PITPNM2: variants seen among roughly 807,000 people sequenced by gnomAD.
PITPNM2 encodes phosphatidylinositol transfer protein membrane associated 2, also known as membrane-associated phosphatidylinositol transfer protein 2.
Under a neutral mutation model 132.2 loss-of-function variants are expected in PITPNM2, and 35 were observed. The observed-to-expected ratio is 0.26, with a 90% CI of 0.20 to 0.35. PITPNM2 has a LOEUF of 0.35. Ranked by LOEUF, PITPNM2 falls within the 10% of genes least tolerant of loss-of-function variation. The pLI is 1.00. For missense variants in PITPNM2, 1,332 were observed against 1,912.0 expected (o/e 0.70, Z 5.66); for synonymous variants, 738 against 799.2 (o/e 0.92, Z 1.29).
chr12:123,103,911 T>G (rs1212461672), intron 2 of PITPNM2, among the ~76,000 whole-genome samples: 1 of 151,930 alleles, frequency 6.6e-6, no homozygotes, highest in Non-Finnish European at 1.5e-5. Context: ...TTTATTTATT[T>G]ATTTATTTAT....
intron 2 of PITPNM2, among the ~76,000 whole-genome samples, chr12:123,096,979 TC>T (rs2042426659): frequency 6.6e-6 from 1 of 152,314 alleles, no homozygotes; most frequent in East Asian, 1.9e-4. Context: ...TCCCCAGGAC[TC>T]CCCAGAGTGG....
intron 14 of PITPNM2, 49 bp downstream of exon 14, chr12:122,995,340 G>T (rs1347030530): frequency 6.5e-7 from 1 of 1,538,364 alleles, no homozygotes; most frequent in South Asian, 1.2e-5. Flanking sequence ...CCCTCTTGGA[G>T]CCTCTTCCCA....
intron 1 of PITPNM2, among the ~76,000 whole-genome samples, chr12:123,124,781 G>A (rs1047411273): frequency 6.6e-6 from 1 of 151,952 alleles, no homozygotes; most frequent in Non-Finnish European, 1.5e-5. Context: ...TCGGTACCAA[G>A]TATAATGCAT....
At chr12:123,030,789 A>G (rs2040061421) in intron 3 of PITPNM2, among the ~76,000 whole-genome samples, 1 of 152,250 alleles carries the variant, frequency 6.6e-6, no homozygotes, top group Non-Finnish European at 1.5e-5. Context: ...CTGTTCATAC[A>G]GTGGAATATG....
chr12:123,141,328 C>A (rs192996437), intron 1 of PITPNM2, among the ~76,000 whole-genome samples: 9 of 152,296 alleles, frequency 5.9e-5, no homozygotes, highest in African/African-American at 1.9e-4. Context: ...GTATGCCATG[C>A]ACTGCGGTGT....
chr12:123,150,790 G>A lies in PITPNM2; in HGVS notation c.-237C>T, dbSNP rs913215107. ...GGCCGCGGGCTCTGTCCTCTTCGGGGCCCCGGCTGGGCCGCCGCCACCTCA... is the reference window on the plus strand; with the variant it reads ...GGCCGCGGGCTCTGTCCTCTTCGGGACCCCGGCTGGGCCGCCGCCACCTCA... On this transcript the variant is annotated 5_prime_UTR_variant, in exon 1 of 26. Coordinates refer to ENST00000320201, the MANE Select transcript of PITPNM2 (RefSeq NM_020845.3). The surrounding 1 kb of genome is among the most constrained non-coding windows in gnomAD (Gnocchi z 6.0). Among the ~76,000 whole-genome samples, 1 of 148,366 alleles carries A rather than the reference G, an allele frequency of 6.7e-6. No individual in the cohort carries two copies. The highest frequency in any genetic ancestry group is 2.4e-5 in the African/African-American group (1 of 41,028).
chr12:123,030,419 C>A (rs148497414), intron 3 of PITPNM2, among the ~76,000 whole-genome samples: 1 of 152,148 alleles, frequency 6.6e-6, no homozygotes, highest in Non-Finnish European at 1.5e-5. Context: ...GTAGGCCGGG[C>A]GCGGTGGCTC....
intron 4 of PITPNM2, among the ~76,000 whole-genome samples, chr12:123,013,601 G>A (rs910261683): frequency 6.6e-6 from 1 of 152,184 alleles, no homozygotes; most frequent in African/African-American, 2.4e-5. Context: ...GCCTCCACAC[G>A]TAGGCAGTCA....
chr12:122,986,939 G>A, intron 23 of PITPNM2, 110 bp from the exon 24 acceptor site: 1 of 1,326,890 alleles, frequency 7.5e-7, no homozygotes, highest in Non-Finnish European at 1.0e-6. Flanking sequence ...CTCTGATTGA[G>A]CTCAGACAGT....
chr12:123,146,793 T>C (rs1393232501), intron 1 of PITPNM2, among the ~76,000 whole-genome samples: 1 of 152,148 alleles, frequency 6.6e-6, no homozygotes, highest in Non-Finnish European at 1.5e-5. Flanking sequence ...AGGACCCATG[T>C]ACAGGGCTGT....
chr12:123,140,689 A>G (rs935501261), intron 1 of PITPNM2, among the ~76,000 whole-genome samples: 3 of 152,026 alleles, frequency 2.0e-5, no homozygotes, highest in African/African-American at 7.2e-5. Context: ...CTCTCAAGTA[A>G]GACTCCTAAA....
intron 2 of PITPNM2, among the ~76,000 whole-genome samples, chr12:123,074,900 T>C (rs987645856): frequency 6.6e-6 from 1 of 152,236 alleles, no homozygotes; most frequent in African/African-American, 2.4e-5. Context: ...GGTGAGACAC[T>C]GAGCTGTAAA....
rs2038222305 is a variant in PITPNM2 at position 122,992,255 on chromosome 12, A to G, written c.2404+244T>C. On this transcript the variant is annotated intron_variant, in intron 16 of 25. Coordinates refer to ENST00000320201, the MANE Select transcript of PITPNM2 (RefSeq NM_020845.3). The surrounding 1 kb of genome is among the most constrained non-coding windows in gnomAD (Gnocchi z 6.5). Reference sequence around the variant, plus strand: ...CCTTTCCCTGCTCCGGGGACCCTGGAACAAGGCCCTGACCTGTGTCCTCTG... The same window carrying G: ...CCTTTCCCTGCTCCGGGGACCCTGGGACAAGGCCCTGACCTGTGTCCTCTG... Among the ~76,000 whole-genome samples the G allele has an allele frequency of 6.6e-6, 1 of 152,018 alleles. No homozygotes were observed. Among genetic ancestry groups the G allele is most frequent in the African/African-American group, 2.4e-5 (1 of 41,366 alleles).
At chr12:123,151,154 G>C (rs944375934), upstream of PITPNM2, among the ~76,000 whole-genome samples, 22 of 146,452 alleles carry the variant, frequency 1.5e-4, no homozygotes, top group East Asian at 3.0e-3. Flanking sequence ...CAGGCCGCGC[G>C]GGGGAGCGGC....
chr12:122,997,193 G>T (rs2038467742), intron 11 of PITPNM2, 132 bp downstream of exon 11: 1 of 1,383,708 alleles, frequency 7.2e-7, no homozygotes, highest in Non-Finnish European at 9.8e-7. Flanking sequence ...GGCACCTCCA[G>T]GTAGAAGGGG....
In PITPNM2 at chr12:122,993,742, A is replaced by G. The variant is rs1354365435; in HGVS notation, c.2233+1059T>C. 6.6e-6 allele frequency among the ~76,000 whole-genome samples: 1 copy of G among 152,176 alleles called. No homozygotes were observed. The highest frequency in any genetic ancestry group is 1.5e-5 in the Non-Finnish European group (1 of 68,032). Reference sequence around the variant, plus strand: ...AGCCTGCAGTGGCTGGGGCACAGGGATGCCCTCCATGGGGCTGCCTTGGTT... The same window carrying G: ...AGCCTGCAGTGGCTGGGGCACAGGGGTGCCCTCCATGGGGCTGCCTTGGTT... On this transcript the variant is annotated intron_variant, in intron 15 of 25. Transcript: ENST00000320201. The surrounding 1 kb of genome is among the most constrained non-coding windows in gnomAD (Gnocchi z 5.2).
intron 10 of PITPNM2, among the ~76,000 whole-genome samples, chr12:122,998,020 C>T (rs986339345): frequency 1.3e-5 from 2 of 152,196 alleles, no homozygotes; most frequent in East Asian, 3.9e-4. Flanking sequence ...CTGTCTTGGC[C>T]TGAGCAGACA....
At position 123,077,912 on chromosome 12, in the gene PITPNM2, C is replaced by T. The variant is rs1196197296; in HGVS notation, c.-96+32473G>A. On this transcript the variant is annotated intron_variant, in intron 2 of 25. Transcript: ENST00000320201. This position sits in a 1 kb window ranked among gnomAD's most constrained non-coding sequence, Gnocchi z 4.8. ...AGCCTCCCATCCCTGCAGAGGTCCG[C>T]TGAGCTCCCCATGCTGCCGGCCTCA... Among the ~76,000 whole-genome samples, 1 of 152,144 alleles carries T rather than the reference C, an allele frequency of 6.6e-6. No homozygotes were observed. The highest frequency in any genetic ancestry group is 1.5e-5 in the Non-Finnish European group (1 of 68,032).
In PITPNM2 at chr12:123,034,579, C is replaced by T. The variant is rs762558566; in HGVS notation, c.12G>A (p.Lys4=). The change falls in exon 3 of 26, where the codon AAG becomes AAA. Residue 4 remains lysine (K), a synonymous_variant. Transcript: ENST00000320201. ...TCATTGGCAGAGGAATCCGATATTCCTTTATAATCATCTTGGAGTCCAAGC... is the reference window on the plus strand; with the variant it reads ...TCATTGGCAGAGGAATCCGATATTCTTTTATAATCATCTTGGAGTCCAAGC... MII[K]EYRIPLPMTV... 12 of 1,614,086 alleles carry T rather than the reference C, an allele frequency of 7.4e-6. No individual in the cohort carries two copies. The highest frequency in any genetic ancestry group is 6.7e-5 in the Admixed American group (4 of 60,006).
Sources: allele counts gnomAD v4.1 joint callset (sites outside exome capture counted in the v4.1 genomes callset), GRCh38; gene constraint gnomAD v4.1.1; non-coding constraint Gnocchi (gnomAD v3.1); transcripts MANE v1.5; gene names NCBI Gene and HGNC (gene_info 2026-07-23, HGNC 2026-07-21).